SPATA9: variants seen among roughly 807,000 people sequenced by gnomAD.
The protein encoded by SPATA9 is spermatogenesis-associated protein 9.
A neutral mutation model predicts 25.5 loss-of-function variants in SPATA9; 27 were observed. The ratio of observed to expected loss-of-function variants is 1.06; its 90% confidence interval spans 0.78 to 1.46. The LOEUF (loss-of-function observed/expected upper bound fraction) is 1.46. Among genes scored for constraint, SPATA9 ranks in the 40% most tolerant of loss-of-function variants. The pLI is 0.00. For synonymous variants in SPATA9, 102 were observed against 105.7 expected, an observed-to-expected ratio of 0.97 and a Z score of 0.21; for missense variants, 282 against 297.5, an observed-to-expected ratio of 0.95 and a Z score of 0.38.
intron 1 of SPATA9, among the ~76,000 whole-genome samples, chr5:95,696,928 C>A (rs945405196): frequency 5.3e-5 from 8 of 152,172 alleles, no homozygotes; most frequent in Non-Finnish European, 1.2e-4. Context: ...TATCAGTGAA[C>A]TTTTTATGTT....
chr5:95,652,570 C>A, downstream of SPATA9: 1 of 420,848 alleles, frequency 2.4e-6, no homozygotes, highest in Non-Finnish European at 4.1e-6. Context: ...CCTAGCTGCA[C>A]AAACCTAAAA....
At chr5:95,731,907 G>C in the SPATA9 span, 1 of 1,614,088 alleles carries the variant, frequency 6.2e-7, no homozygotes, top group Non-Finnish European at 8.5e-7. Flanking sequence ...CATTCCACCA[G>C]GACAACCGGC....
At chr5:95,652,652 A>G (rs1750419890), downstream of SPATA9, 7 of 273,588 alleles carry the variant, frequency 2.6e-5, no homozygotes, top group South Asian at 7.9e-4. Flanking sequence ...TCTCTGTACT[A>G]TAAAATTAAA....
rs1220388042 is a variant in SPATA9, at chr5:95,682,607, A to G, written c.71T>C (p.Ile24Thr). 2 of 1,613,188 alleles carry G rather than the reference A, an allele frequency of 1.2e-6. No homozygotes were observed. The highest frequency in any genetic ancestry group is 1.7e-6 in the Non-Finnish European group (2 of 1,179,644). Residue 24 changes from isoleucine to threonine, a missense_variant, in exon 2 of 5, where the codon ATC becomes ACC. Coordinates refer to ENST00000274432, the MANE Select transcript of SPATA9 (RefSeq NM_031952.4). Reference sequence around the variant, plus strand: ...TACAAGGTCCATGATTGCTTTCTGGATCCCCTCGACTAAGACAAAAAGAGG... The same window carrying G: ...TACAAGGTCCATGATTGCTTTCTGGGTCCCCTCGACTAAGACAAAAAGAGG... Reference protein sequence around the residue: ...LKNFSGRIEGIQKAIMDLVDE... With the variant: ...LKNFSGRIEGTQKAIMDLVDE...
At chr5:95,680,344 A>C (rs1398166109) in intron 2 of SPATA9, among the ~76,000 whole-genome samples, 1 of 152,224 alleles carries the variant, frequency 6.6e-6, no homozygotes, top group East Asian at 1.9e-4. Context: ...GAGGGGTTCC[A>C]CGTAAGTAAA....
chr5:95,652,904 C>T (rs1057398758), downstream of SPATA9: 41 of 593,654 alleles, frequency 6.9e-5, no homozygotes, highest in Admixed American at 5.7e-4. Context: ...TCCACAGAGC[C>T]GGGAGCATTC....
chr5:95,705,407 A>G, the SPATA9 span, among the ~76,000 whole-genome samples: 1 of 152,254 alleles, frequency 6.6e-6, no homozygotes, highest in Non-Finnish European at 1.5e-5. Context: ...TATTTCATTC[A>G]TGAAATTCAA....
the SPATA9 span, among the ~76,000 whole-genome samples, chr5:95,711,843 G>A: frequency 7.9e-5 from 12 of 152,218 alleles, no homozygotes; most frequent in Non-Finnish European, 1.6e-4. Context: ...ATTTTTACAG[G>A]GAACCTGATT....
intron 1 of SPATA9, among the ~76,000 whole-genome samples, chr5:95,694,873 T>C (rs373343447): frequency 1.8e-4 from 27 of 152,276 alleles, no homozygotes; most frequent in Middle Eastern, 3.4e-3. Context: ...CCAAGACAAC[T>C]CTAGATTTAG....
At chr5:95,716,730 A>T in the SPATA9 span, among the ~76,000 whole-genome samples, 1 of 152,164 alleles carries the variant, frequency 6.6e-6, no homozygotes, top group Non-Finnish European at 1.5e-5. Flanking sequence ...TGATTTGGCT[A>T]TGTCCCCAAG....
intron 4 of SPATA9, among the ~76,000 whole-genome samples, chr5:95,661,978 ATATAT>A (rs1222688670): frequency 1.3e-5 from 2 of 152,268 alleles, no homozygotes; most frequent in Admixed American, 6.5e-5. Flanking sequence ...AAGTAGAAGG[ATATAT>A]TATATTCATG....
At chr5:95,711,127 T>G in the SPATA9 span, among the ~76,000 whole-genome samples, 1 of 152,146 alleles carries the variant, frequency 6.6e-6, no homozygotes, top group Non-Finnish European at 1.5e-5. Context: ...GCGGCTCCCT[T>G]AATACCCGTG....
chr5:95,731,561 C>G, the SPATA9 span: 1 of 1,474,598 alleles, frequency 6.8e-7, no homozygotes, highest in Non-Finnish European at 9.0e-7. Context: ...GCGGTGGAGG[C>G]GCGCGAGGGG....
downstream of SPATA9, chr5:95,656,294 T>C: frequency 1.2e-6 from 2 of 1,608,828 alleles, no homozygotes; most frequent in Non-Finnish European, 1.7e-6. Flanking sequence ...TCAAAGTAAT[T>C]AAGAGTTCTT....
At position 95,675,499 on chromosome 5, in the gene SPATA9, A is replaced by G; in HGVS notation, c.291T>C (p.Leu97=). 6.2e-7 allele frequency: 1 copy of G among 1,614,144 alleles called. No individual in the cohort carries two copies. The highest frequency in any genetic ancestry group is 8.5e-7 in the Non-Finnish European group (1 of 1,180,014). The stretch of plus-strand genomic sequence containing the variant: ...CCCTTAGCTCTAAAAGTCTGCATGC[A>G]AGCTGAGGATGCAGAAGTTTGGCCA... ...KSVAKLLHPQ[L]ACRLLELRDI... Residue 97 remains leucine (L), a synonymous_variant, in exon 3 of 5, where the codon CTT becomes CTC. Coordinates refer to ENST00000274432, the MANE Select transcript of SPATA9 (RefSeq NM_031952.4).
the SPATA9 span, among the ~76,000 whole-genome samples, chr5:95,712,166 A>G: frequency 1.3e-5 from 2 of 152,226 alleles, no homozygotes; most frequent in Non-Finnish European, 2.9e-5. Flanking sequence ...GGACATTCAC[A>G]TAAGATTTAT....
chr5:95,708,068 G>C, the SPATA9 span, among the ~76,000 whole-genome samples: 2 of 142,830 alleles, frequency 1.4e-5, no homozygotes, highest in Non-Finnish European at 3.1e-5. Flanking sequence ...GAGAGGTCCA[G>C]CTAACTCTGA....
intron 2 of SPATA9, among the ~76,000 whole-genome samples, chr5:95,680,115 G>C (rs1161840817): frequency 6.6e-6 from 1 of 152,122 alleles, no homozygotes; most frequent in Non-Finnish European, 1.5e-5. Context: ...AGCCAGGATG[G>C]TCTCCATCTC....
chr5:95,731,378 G>A, the SPATA9 span: 2 of 1,159,430 alleles, frequency 1.7e-6, no homozygotes, highest in Non-Finnish European at 2.1e-6. Flanking sequence ...GCGGCGGAGA[G>A]GGGACTGCGG....
Sources: allele counts gnomAD v4.1 joint callset (sites outside exome capture counted in the v4.1 genomes callset), GRCh38; gene constraint gnomAD v4.1.1; transcripts MANE v1.5; gene names NCBI Gene and HGNC (gene_info 2026-07-23, HGNC 2026-07-21).